ARHGAP20: variants seen among roughly 807,000 people sequenced by gnomAD.
ARHGAP20 encodes rho GTPase-activating protein 20.
ARHGAP20 carries 34 observed loss-of-function variants against 73.7 expected under a neutral mutation model. That is an observed-to-expected ratio of 0.46 (90% CI 0.35 to 0.61). The LOEUF (loss-of-function observed/expected upper bound fraction) is 0.61. ARHGAP20 is among the 20% of genes least tolerant of loss of function. The pLI, the probability that ARHGAP20 is intolerant of heterozygous loss-of-function variation, is 0.00. For synonymous variants in ARHGAP20, 523 were observed against 518.2 expected, an observed-to-expected ratio of 1.01 and a Z score of -0.13; for missense variants, 1,314 against 1,420.9, an observed-to-expected ratio of 0.92 and a Z score of 1.21.
intron 9 of ARHGAP20, among the ~76,000 whole-genome samples, chr11:110,597,187 C>T (rs1947988750): frequency 1.3e-5 from 2 of 150,842 alleles, no homozygotes; most frequent in Admixed American, 1.3e-4. Flanking sequence ...ATACCTAATG[C>T]TAAATGACGA....
intron 3 of ARHGAP20, among the ~76,000 whole-genome samples, chr11:110,627,382 T>C (rs543404721): frequency 9.2e-5 from 14 of 152,294 alleles, no homozygotes; most frequent in Non-Finnish European, 1.8e-4. Context: ...TGTGAGCCAC[T>C]GCGCCTGGCC....
chr11:110,648,254 A>C (rs140889148), intron 2 of ARHGAP20, among the ~76,000 whole-genome samples: 2,021 of 81,858 alleles, frequency 0.025, 80 homozygotes, highest in African/African-American at 0.086. Flanking sequence ...TATATATGTA[A>C]ATATATATAT....
rs1002143385 is a variant in ARHGAP20 at position 110,590,930 on chromosome 11, G to C, written c.1144-121C>G. ...CTAGGGTAAAAGCACTGAAGGATTG[G>C]AGCTAAATAAATGGCCGGAAAAATT... On this transcript the variant is annotated intron_variant, in intron 10 of 14. Coordinates refer to ENST00000683387, the MANE Select transcript of ARHGAP20 (RefSeq NM_001384657.1). The C allele has an allele frequency of 4.0e-5, 41 of 1,016,070 alleles. No individual in the cohort carries two copies. The Middle Eastern group carries it at 6.4e-4, about 16-fold the overall frequency. The allele number at this position is 1,016,070 out of a possible 1,614,324, so 62.9% of individuals were successfully genotyped here. A position where few individuals can be genotyped will look rare whatever the true frequency, so the allele number is the denominator to read the frequency against.
chr11:110,676,057 T>G (rs1384651329), intron 2 of ARHGAP20, among the ~76,000 whole-genome samples: 1 of 152,198 alleles, frequency 6.6e-6, no homozygotes, highest in Non-Finnish European at 1.5e-5. Flanking sequence ...TAAAAATATA[T>G]GGTATTACAA....
In ARHGAP20 at chr11:110,582,312, T is replaced by C; in HGVS notation, c.1720+9A>G. ...TTCTCACAAAAACCAATCCAATTAT[T>C]CACAATACCTGAGGCATTCTCTCTA... On this transcript the variant is annotated intron_variant, in intron 14 of 14. Coordinates refer to ENST00000683387, the MANE Select transcript of ARHGAP20 (RefSeq NM_001384657.1). 1 of 1,587,992 alleles carries C rather than the reference T, an allele frequency of 6.3e-7. No homozygotes were observed. The highest frequency in any genetic ancestry group is 8.6e-7 in the Non-Finnish European group (1 of 1,156,480).
At chr11:110,618,014 G>A (rs930463725) in intron 4 of ARHGAP20, among the ~76,000 whole-genome samples, 1 of 152,134 alleles carries the variant, frequency 6.6e-6, no homozygotes, top group Non-Finnish European at 1.5e-5. Flanking sequence ...GAACCCAGAG[G>A]AAATGGTTTT....
In ARHGAP20 at chr11:110,579,565, G is replaced by A; in HGVS notation, c.3381C>T (p.Ser1127=). ...DSERHCSSPF[S]LVESRLKLCM... ...ACAGCTTAAGTCTGCTCTCCACCAG[G>A]CTGAATGGAGAGCTACAGTGTCTCT... The change falls in exon 15 of 15, where the codon AGC becomes AGT. Residue 1127 remains serine, a synonymous_variant. Coordinates refer to ENST00000683387, the MANE Select transcript of ARHGAP20 (RefSeq NM_001384657.1). 6.2e-7 allele frequency: 1 copy of A among 1,613,814 alleles called. No homozygotes were observed. The highest frequency in any genetic ancestry group is 1.1e-5 in the South Asian group (1 of 91,072).
At position 110,581,070 on chromosome 11, in the gene ARHGAP20, C is replaced by T; in HGVS notation, c.1876G>A (p.Asp626Asn). The T allele has an allele frequency of 6.2e-7, 1 of 1,614,196 alleles. No individual in the cohort carries two copies. Among genetic ancestry groups the T allele is most frequent in the Non-Finnish European group, 8.5e-7 (1 of 1,180,034 alleles). Residue 626 changes from aspartate (D) to asparagine (N), a missense_variant, in exon 15 of 15, where the codon GAC becomes AAC. By Grantham distance (23) the Asp-to-Asn change is conservative. This residue lies in a region of ARHGAP20 where 230 missense variants were observed against 317.6 expected (regional missense o/e 0.72). Transcript: ENST00000683387. ...AAAAGGCCTTCCACCTCGGGCTGGT[C>T]AAGATCATAGTCACTGAGGGTTAAG... is the stretch of plus-strand genomic sequence containing the variant. ...SVLTLSDYDL[D>N]QPEVEGLLTL...
At chr11:110,590,531 G>A in intron 11 of ARHGAP20, 117 bp downstream of exon 11, 1 of 1,106,364 alleles carries the variant, frequency 9.0e-7, no homozygotes, top group South Asian at 2.3e-5. Context: ...TAAAAATTAT[G>A]TTAATAAATC....
chr11:110,603,106 T>C (rs1948147469), intron 9 of ARHGAP20, among the ~76,000 whole-genome samples: 1 of 152,196 alleles, frequency 6.6e-6, no homozygotes, highest in African/African-American at 2.4e-5. Context: ...CTATCAAGTG[T>C]TACTGGATCA....
chr11:110,704,193 T>C (rs1276389669), intron 1 of ARHGAP20, among the ~76,000 whole-genome samples: 2 of 152,158 alleles, frequency 1.3e-5, no homozygotes, highest in Non-Finnish European at 2.9e-5. Context: ...TTGTTAAAGC[T>C]GAGGTTCAAA....
intron 9 of ARHGAP20, 71 bp from the exon 10 acceptor site, chr11:110,592,226 T>C: frequency 6.9e-7 from 1 of 1,439,220 alleles, no homozygotes; most frequent in Non-Finnish European, 9.5e-7. Flanking sequence ...ACTTCCATTT[T>C]ATGGTATGTT....
Position 110,579,619 on chromosome 11 carries a change from C to G in ARHGAP20, c.3327G>C (p.Arg1109Ser). ...EGLSPVQSAQRCSSSPFQDSE... is the reference protein window; with the variant it reads ...EGLSPVQSAQSCSSSPFQDSE... ...AGTCCTGGAAGGGAGAAGAACTACA[C>G]CTTTGGGCTGACTGCACAGGGGACA... is the stretch of plus-strand genomic sequence containing the variant. The change falls in exon 15 of 15, where the codon AGG becomes AGC. Residue 1109 changes from arginine (R) to serine (S), a missense_variant. Transcript: ENST00000683387. 5 of 1,614,162 alleles carry G rather than the reference C, an allele frequency of 3.1e-6. No individual in the cohort carries two copies. Among genetic ancestry groups the G allele is most frequent in the Non-Finnish European group, 4.2e-6 (5 of 1,180,038 alleles).
intron 2 of ARHGAP20, among the ~76,000 whole-genome samples, chr11:110,667,047 A>C (rs549740468): frequency 6.6e-6 from 1 of 152,364 alleles, no homozygotes; most frequent in African/African-American, 2.4e-5. Flanking sequence ...AGCTAACTCC[A>C]TAACATAAAA....
intron 11 of ARHGAP20, among the ~76,000 whole-genome samples, chr11:110,586,975 T>C (rs975020157): frequency 2.6e-5 from 4 of 152,188 alleles, no homozygotes; most frequent in African/African-American, 7.2e-5. Context: ...GGCAGCACAC[T>C]CATGCCTGAT....
In ARHGAP20 at chr11:110,590,713, A is replaced by G. The variant is rs1410077409; in HGVS notation, c.1240T>C (p.Leu414=). ...VKSCRELKEK[L]NSGVEVHLDC... ...AGGTGTACTTCGACTCCAGAATTCA[A>G]TTTCTCTTTTAGTTCTCTGCAGGAT... Residue 414 remains leucine, a synonymous_variant, in exon 11 of 15, where the codon TTG becomes CTG. Coordinates refer to ENST00000683387, the MANE Select transcript of ARHGAP20 (RefSeq NM_001384657.1). 3 of 1,614,124 alleles carry G rather than the reference A, an allele frequency of 1.9e-6. No homozygotes were observed. Among genetic ancestry groups the G allele is most frequent in the African/African-American group, 1.3e-5 (1 of 75,054 alleles).
At chr11:110,685,197 T>TAGA (rs71057022) in intron 2 of ARHGAP20, among the ~76,000 whole-genome samples, 45,562 of 151,904 alleles carry the variant, frequency 0.3, 7,518 homozygotes, top group African/African-American at 0.46. Context: ...ACCATAAAAT[T>TAGA]AGAAGTTTAA....
intron 2 of ARHGAP20, among the ~76,000 whole-genome samples, chr11:110,677,997 T>C (rs886514361): frequency 6.6e-6 from 1 of 152,156 alleles, no homozygotes; most frequent in Admixed American, 6.5e-5. Context: ...AATGAATGAA[T>C]AAACAAAATG....
At chr11:110,673,411 TA>T (rs1452649031) in intron 2 of ARHGAP20, among the ~76,000 whole-genome samples, 2 of 152,202 alleles carry the variant, frequency 1.3e-5, no homozygotes, top group South Asian at 4.1e-4. Flanking sequence ...TGTCAAGTCA[TA>T]AAAAAATTTT....
Sources: gnomAD v4.1 joint callset for allele counts (sites outside exome capture counted in the v4.1 genomes callset) on GRCh38, gnomAD v4.1.1 for gene constraint, gnomAD v4.1.1 regional missense constraint, MANE v1.5 for transcripts, NCBI Gene and HGNC (gene_info 2026-07-23, HGNC 2026-07-21) for gene names.